ADGRA1: variants seen among roughly 807,000 people sequenced by gnomAD.
ADGRA1 encodes the protein adhesion G protein-coupled receptor A1.
ADGRA1 carries 12 observed loss-of-function variants against 21.3 expected under a neutral mutation model. The ratio of observed to expected loss-of-function variants is 0.56; its 90% CI spans 0.36 to 0.91. The LOEUF (loss-of-function observed/expected upper bound fraction) is 0.91, where lower values mean the gene tolerates loss of function less well. Among genes scored for constraint, ADGRA1 ranks in the 40% least tolerant of loss-of-function variants. The probability of loss-of-function intolerance (pLI) is 0.01; values close to 1 mark genes in which losing one functional copy is unlikely to be tolerated. For missense variants in ADGRA1, 790 were observed against 805.6 expected, an observed-to-expected ratio of 0.98 and a Z score of 0.23; for synonymous variants, 385 against 368.8, an observed-to-expected ratio of 1.04 and a Z score of -0.50.
intron 5 of ADGRA1, among the ~76,000 whole-genome samples, chr10:133,118,902 ACG>A: frequency 6.8e-6 from 1 of 146,738 alleles, no homozygotes. Flanking sequence ...ACACTCACAC[ACG>A]TACACTCACA....
At chr10:133,100,311 G>A (rs549193348) in intron 4 of ADGRA1, among the ~76,000 whole-genome samples, 1 of 152,356 alleles carries the variant, frequency 6.6e-6, no homozygotes, top group South Asian at 2.1e-4. Flanking sequence ...AAGTGCCCGG[G>A]AAACGCCATT....
At chr10:133,089,915 G>C (rs1199418122) in intron 2 of ADGRA1, among the ~76,000 whole-genome samples, 1 of 152,208 alleles carries the variant, frequency 6.6e-6, no homozygotes, top group African/African-American at 2.4e-5. Flanking sequence ...GGGGCAGCAG[G>C]CCAGCCCCAG....
At chr10:133,121,400 G>A (rs1324360549) in intron 5 of ADGRA1, among the ~76,000 whole-genome samples, 1 of 151,754 alleles carries the variant, frequency 6.6e-6, no homozygotes, top group Non-Finnish European at 1.5e-5. Flanking sequence ...GTGTGTGTCA[G>A]TGTGCGTGTG....
chr10:133,108,547 T>A (rs1045616021), intron 5 of ADGRA1, among the ~76,000 whole-genome samples: 20 of 152,004 alleles, frequency 1.3e-4, no homozygotes, highest in African/African-American at 4.8e-4. Flanking sequence ...ACCCAACCCC[T>A]CACAGTGGTG....
At chr10:133,094,371 G>A (rs1328956086) in intron 2 of ADGRA1, among the ~76,000 whole-genome samples, 1 of 152,226 alleles carries the variant, frequency 6.6e-6, no homozygotes, top group Non-Finnish European at 1.5e-5. Flanking sequence ...CAGCGGGACA[G>A]GACGCGGCTC....
intron 2 of ADGRA1, among the ~76,000 whole-genome samples, chr10:133,093,624 A>G (rs1270510947): frequency 6.6e-6 from 1 of 152,196 alleles, no homozygotes; most frequent in Non-Finnish European, 1.5e-5. Context: ...CATTCCGGCC[A>G]TTTCATCTGG....
At chr10:133,096,314 C>G (rs542460114) in intron 2 of ADGRA1, among the ~76,000 whole-genome samples, 1 of 152,352 alleles carries the variant, frequency 6.6e-6, no homozygotes, top group Admixed American at 6.5e-5. Flanking sequence ...CAGCTCCAAG[C>G]CTTTCCAGCT....
intron 5 of ADGRA1, among the ~76,000 whole-genome samples, chr10:133,120,261 T>C (rs1852229975): frequency 6.6e-6 from 1 of 152,256 alleles, no homozygotes; most frequent in Admixed American, 6.5e-5. Flanking sequence ...AAAAATTAGC[T>C]GGGCGTGGTG....
chr10:133,093,820 TG>T (rs542541774), intron 2 of ADGRA1, among the ~76,000 whole-genome samples: 21 of 152,360 alleles, frequency 1.4e-4, no homozygotes, highest in African/African-American at 4.8e-4. Context: ...CCAGCAGGCC[TG>T]GGGAACACTT....
intron 5 of ADGRA1, among the ~76,000 whole-genome samples, chr10:133,107,024 G>A (rs115592666): frequency 3.9e-5 from 6 of 152,344 alleles, no homozygotes; most frequent in East Asian, 3.9e-4. Context: ...CCAGCAAAGC[G>A]TTGCTGTCTC....
intron 5 of ADGRA1, among the ~76,000 whole-genome samples, chr10:133,108,051 C>G (rs1591176525): frequency 6.6e-6 from 1 of 152,266 alleles, no homozygotes; most frequent in South Asian, 2.1e-4. Context: ...CAGCCTTCTT[C>G]CCTTTCTCCA....
At chr10:133,115,288 A>T (rs1232764086) in intron 5 of ADGRA1, among the ~76,000 whole-genome samples, 2 of 152,132 alleles carry the variant, frequency 1.3e-5, no homozygotes, top group Admixed American at 1.3e-4. Flanking sequence ...GGGCGTCCAC[A>T]TCGCCTCCAG....
At chr10:133,091,856 C>T (rs1400021973) in intron 2 of ADGRA1, among the ~76,000 whole-genome samples, 1 of 152,178 alleles carries the variant, frequency 6.6e-6, no homozygotes, top group Non-Finnish European at 1.5e-5. Context: ...AGACCTCCAA[C>T]CGGAGGGTGA....
At chr10:133,096,917 C>T (rs1285142237) in intron 2 of ADGRA1, 57 bp from the exon 3 acceptor site, 14 of 1,570,286 alleles carry the variant, frequency 8.9e-6, no homozygotes, top group African/African-American at 4.0e-5. Flanking sequence ...CAGGCGACGG[C>T]GCCGCCCACA....
In ADGRA1 at chr10:133,111,144, T is replaced by G. The variant is rs574383350; in HGVS notation, c.401+8302T>G. ...CCACCTGCCCGCCAGGGGTGCCTCC[T>G]CTCCTAATCCCACCAGACCACCTGC... On this transcript the variant is annotated intron_variant, in intron 5 of 6. Transcript: ENST00000392607. Among the ~76,000 whole-genome samples, 49 of 92,388 alleles carry G rather than the reference T, an allele frequency of 5.3e-4. 10 individuals are homozygous for G. The East Asian group carries it at 0.014, about 26-fold the overall frequency. The allele number at this position is 92,388 out of a possible 152,430, so 60.6% of individuals were successfully genotyped here.
intron 5 of ADGRA1, among the ~76,000 whole-genome samples, chr10:133,111,300 CCGGGA>C (rs1851998626): frequency 3.1e-4 from 19 of 62,148 alleles, no homozygotes; most frequent in Non-Finnish European, 4.3e-4. Flanking sequence ...ACCTGCCCCC[CCGGGA>C]ACCATCCCTC....
chr10:133,111,082 TGCCTGCCATGGGCAGCTC>T, intron 5 of ADGRA1, among the ~76,000 whole-genome samples: 1 of 151,736 alleles, frequency 6.6e-6, no homozygotes, highest in African/African-American at 2.4e-5. Flanking sequence ...CCAAGCCACC[TGCCTGCCATGGGCAGCTC>T]CCCTCCTAAT....
intron 5 of ADGRA1, among the ~76,000 whole-genome samples, chr10:133,116,476 T>A (rs892380515): frequency 8.1e-5 from 7 of 86,876 alleles, no homozygotes; most frequent in African/African-American, 3.1e-4. Flanking sequence ...TCCAGCTCCC[T>A]CAGTCCCTGT....
At position 133,128,458 on chromosome 10, in the gene ADGRA1, G is replaced by T; in HGVS notation, c.630G>T (p.Glu210Asp). The T allele has an allele frequency of 1.3e-6, 2 of 1,595,316 alleles. No homozygotes were observed. Among genetic ancestry groups the T allele is most frequent in the Non-Finnish European group, 1.7e-6 (2 of 1,172,434 alleles). The stretch of plus-strand genomic sequence containing the variant: ...GGCGCCACCCAGGGCGCAGGTACGA[G>T]CTGCGCACACAGCCCGAGGAGCAGC... ...QLRRHPGRRYELRTQPEEQRR... is the reference protein window; with the variant it reads ...QLRRHPGRRYDLRTQPEEQRR... The change falls in exon 7 of 7, where the codon GAG becomes GAT. Residue 210 changes from glutamate (E) to aspartate (D), a missense_variant. Coordinates refer to ENST00000392607, the MANE Select transcript of ADGRA1 (RefSeq NM_001083909.3).
Sources: allele counts gnomAD v4.1 joint callset (sites outside exome capture counted in the v4.1 genomes callset), GRCh38; gene constraint gnomAD v4.1.1; transcripts MANE v1.5; gene names NCBI Gene and HGNC (gene_info 2026-07-23, HGNC 2026-07-21).